NTM: variants seen among roughly 807,000 people sequenced by gnomAD.
The protein encoded by NTM is IgLON family member 2.
NTM carries 13 observed loss-of-function variants against 42.1 expected under a neutral mutation model. The observed-to-expected ratio is 0.31, with a 90% CI of 0.20 to 0.49. The LOEUF is 0.49. Among genes scored for constraint, NTM ranks in the 20% least tolerant of loss-of-function variants. NTM has a pLI of 0.99. For synonymous variants in NTM, 187 were observed against 179.2 expected, an observed-to-expected ratio of 1.04 and a Z score of -0.35; for missense variants, 373 against 452.8, an observed-to-expected ratio of 0.82 and a Z score of 1.60.
At position 131,375,594 on chromosome 11, in the gene NTM, C is replaced by G. The variant is rs113840655; in HGVS notation, c.82+4706C>G. On this transcript the variant is annotated intron_variant, in intron 1 of 8. Coordinates refer to ENST00000683400, the MANE Select transcript of NTM (RefSeq NM_001352005.2). ...CACTTGCAGGGAGCATGCCTCCCAT[C>G]CCTTTGCAAAAGGAGGCTTCAGTGT... 2.0e-3 allele frequency among the ~76,000 whole-genome samples: 308 copies of G among 152,228 alleles called. 1 individual carries two copies. Among genetic ancestry groups the G allele is most frequent in the African/African-American group, 6.5e-3 (272 of 41,530 alleles).
intron 4 of NTM, among the ~76,000 whole-genome samples, chr11:132,259,979 A>T (rs2092747113): frequency 6.6e-6 from 1 of 152,064 alleles, no homozygotes; most frequent in Admixed American, 6.5e-5. Context: ...GAACACCTGC[A>T]ACTAGGACAG....
chr11:131,521,320 T>G (rs763061782), intron 1 of NTM, among the ~76,000 whole-genome samples: 10 of 56,142 alleles, frequency 1.8e-4, no homozygotes, highest in Non-Finnish European at 2.7e-4. Flanking sequence ...ATCTCAGAAA[T>G]AAATAAATAA....
chr11:131,918,953 C>T (rs757893832), intron 2 of NTM, among the ~76,000 whole-genome samples: 1 of 152,126 alleles, frequency 6.6e-6, no homozygotes, highest in Non-Finnish European at 1.5e-5. Context: ...GACTTTCTCA[C>T]CTGGAGTTAG....
intron 2 of NTM, among the ~76,000 whole-genome samples, chr11:131,997,577 C>G (rs2068307162): frequency 6.6e-6 from 1 of 152,168 alleles, no homozygotes; most frequent in South Asian, 2.1e-4. Flanking sequence ...GGTGTTCACA[C>G]CATCATTGAC....
At chr11:131,843,899 T>A (rs1452775521) in intron 1 of NTM, among the ~76,000 whole-genome samples, 1 of 152,160 alleles carries the variant, frequency 6.6e-6, no homozygotes, top group Non-Finnish European at 1.5e-5. Context: ...TATTCTCTTT[T>A]TTTTCACATT....
intron 1 of NTM, among the ~76,000 whole-genome samples, chr11:131,905,384 T>C (rs996696606): frequency 6.6e-6 from 1 of 152,160 alleles, no homozygotes; most frequent in African/African-American, 2.4e-5. Flanking sequence ...CACAGAGCAC[T>C]CCCGAGGTGC....
Position 131,373,647 on chromosome 11 carries a change from C to T in NTM, c.82+2759C>T, listed in dbSNP as rs542912733. On this transcript the variant is annotated intron_variant, in intron 1 of 8. Coordinates refer to ENST00000683400, the MANE Select transcript of NTM (RefSeq NM_001352005.2). ...GGATCAGGCGCTGTCCCTTGCAGAA[C>T]ACCCACCGCCCACCTTCTGCCACTG... Among the ~76,000 whole-genome samples, 9 of 152,218 alleles carry T rather than the reference C, an allele frequency of 5.9e-5. No individual in the cohort carries two copies. The South Asian group carries it at 8.3e-4, about 14-fold the overall frequency.
At chr11:132,134,709 A>G (rs772115657) in intron 2 of NTM, among the ~76,000 whole-genome samples, 4,294 of 12,630 alleles carry the variant, frequency 0.34, 1,015 homozygotes, top group African/African-American at 0.37. Flanking sequence ...TCCATGGTAT[A>G]TATATATATA....
chr11:132,153,152 G>A (rs577885132), intron 3 of NTM, among the ~76,000 whole-genome samples: 173 of 152,316 alleles, frequency 1.1e-3, no homozygotes, highest in Non-Finnish European at 2.0e-3. Flanking sequence ...TCCACAGGGA[G>A]TCTTGGCTGC....
At chr11:131,699,909 G>GGTGTGTGTGTGT (rs10577927) in intron 1 of NTM, among the ~76,000 whole-genome samples, 10 of 130,558 alleles carry the variant, frequency 7.7e-5, no homozygotes, top group Admixed American at 2.3e-4. Flanking sequence ...CAAAGCAGCA[G>GGTGTGTGTGTGT]GTGTGTGTGT....
At chr11:131,672,068 T>A (rs1347363296) in intron 1 of NTM, among the ~76,000 whole-genome samples, 2 of 152,360 alleles carry the variant, frequency 1.3e-5, no homozygotes, top group Non-Finnish European at 1.5e-5. Flanking sequence ...TTTCTCTTTG[T>A]CTTTCTACAC....
At chr11:132,152,971 T>A (rs1238477653) in intron 3 of NTM, among the ~76,000 whole-genome samples, 1 of 152,232 alleles carries the variant, frequency 6.6e-6, no homozygotes, top group African/African-American at 2.4e-5. Flanking sequence ...GGGTCCCCTG[T>A]TCTAGCCTTT....
intron 2 of NTM, among the ~76,000 whole-genome samples, chr11:131,978,371 A>G (rs1378422378): frequency 6.6e-6 from 1 of 152,198 alleles, no homozygotes; most frequent in Non-Finnish European, 1.5e-5. Flanking sequence ...GGATTTTAGA[A>G]CACCTAGTCT....
chr11:131,924,416 C>CTGCTCAAATCATATATAAGT (rs1167609034), intron 2 of NTM, among the ~76,000 whole-genome samples: 6 of 152,162 alleles, frequency 3.9e-5, no homozygotes, highest in Non-Finnish European at 8.8e-5. Flanking sequence ...AGATTACTAG[C>CTGCTCAAATCATATATAAGT]TGCTCAAATC....
At chr11:132,087,881 G>A (rs977715503) in intron 2 of NTM, among the ~76,000 whole-genome samples, 1 of 152,252 alleles carries the variant, frequency 6.6e-6, no homozygotes, top group African/African-American at 2.4e-5. Flanking sequence ...AGAAGACTCT[G>A]TGGATGTGGA....
chr11:132,300,817 C>T (rs964963471), intron 4 of NTM, among the ~76,000 whole-genome samples: 5 of 152,198 alleles, frequency 3.3e-5, no homozygotes, highest in African/African-American at 9.7e-5. Context: ...GTCCCTGTTA[C>T]GTGCTTAAAT....
At chr11:131,382,560 C>T (rs140000197) in intron 1 of NTM, among the ~76,000 whole-genome samples, 30 of 152,238 alleles carry the variant, frequency 2.0e-4, no homozygotes, top group Admixed American at 9.8e-4. Context: ...CCTAATGAAT[C>T]TATGTGGAAC....
At chr11:131,787,752 A>C (rs1379184214) in intron 1 of NTM, among the ~76,000 whole-genome samples, 1 of 152,186 alleles carries the variant, frequency 6.6e-6, no homozygotes, top group Admixed American at 6.5e-5. Context: ...TAAATATTAT[A>C]GGAATTTAAA....
At chr11:132,199,890 T>C (rs2080888324) in intron 3 of NTM, among the ~76,000 whole-genome samples, 1 of 152,018 alleles carries the variant, frequency 6.6e-6, no homozygotes. Flanking sequence ...GATAAAGGAA[T>C]CTAATAAAGA....
Sources: gnomAD v4.1 joint callset for allele counts (sites outside exome capture counted in the v4.1 genomes callset) on GRCh38, gnomAD v4.1.1 for gene constraint, MANE v1.5 for transcripts, NCBI Gene and HGNC (gene_info 2026-07-23, HGNC 2026-07-21) for gene names.